USP12: variants seen among roughly 807,000 people sequenced by gnomAD.
The protein encoded by USP12 is ubiquitin carboxyl-terminal hydrolase 12.
In USP12, 19 loss-of-function variants were observed where a neutral mutation model predicts 45.5. The ratio of observed to expected loss-of-function variants is 0.42; its 90% CI spans 0.29 to 0.61. The LOEUF (loss-of-function observed/expected upper bound fraction) is 0.61, where lower values mean the gene tolerates loss of function less well. USP12 is among the 20% of genes least tolerant of loss of function. The probability of loss-of-function intolerance (pLI) is 0.22; values close to 1 mark genes in which losing one functional copy is unlikely to be tolerated. For synonymous variants in USP12, 149 were observed against 148.8 expected (o/e 1.00, Z -0.01); for missense variants, 242 against 447.7 (o/e 0.54, Z 4.15).
At chr13:27,170,193 T>G (rs1196950388) in intron 1 of USP12, 1 of 397,592 alleles carries the variant, frequency 2.5e-6, no homozygotes, top group Non-Finnish European at 4.4e-6. Flanking sequence ...GAGTCTTCAA[T>G]GATTCATCCT....
intron 1 of USP12, among the ~76,000 whole-genome samples, chr13:27,164,458 G>A (rs1878260324): frequency 6.6e-6 from 1 of 152,202 alleles, no homozygotes; most frequent in Non-Finnish European, 1.5e-5. Flanking sequence ...AGAAGCAGCA[G>A]CAAAGCATAA....
intron 1 of USP12, among the ~76,000 whole-genome samples, chr13:27,162,468 C>T (rs1242660074): frequency 2.0e-5 from 3 of 152,172 alleles, no homozygotes; most frequent in Non-Finnish European, 4.4e-5. Context: ...TGACTTTAAG[C>T]TTCCTTTTCC....
chr13:27,153,811 C>G (rs1395016861), intron 1 of USP12, among the ~76,000 whole-genome samples: 1 of 152,208 alleles, frequency 6.6e-6, no homozygotes, highest in African/African-American at 2.4e-5. Context: ...TCCTTATCAT[C>G]TCTTTTCTTA....
intron 2 of USP12, among the ~76,000 whole-genome samples, chr13:27,111,332 G>A (rs368897781): frequency 7.9e-5 from 12 of 152,230 alleles, no homozygotes; most frequent in African/African-American, 2.9e-4. Context: ...GAGCCTTCAT[G>A]CAAAAGGTTT....
At chr13:27,163,645 A>C (rs1878213515) in intron 1 of USP12, among the ~76,000 whole-genome samples, 1 of 151,992 alleles carries the variant, frequency 6.6e-6, no homozygotes, top group Non-Finnish European at 1.5e-5. Flanking sequence ...TGTAAAGCCC[A>C]CAAGAATACA....
intron 1 of USP12, among the ~76,000 whole-genome samples, chr13:27,149,943 T>C (rs1334597473): frequency 2.0e-5 from 3 of 152,246 alleles, no homozygotes; most frequent in East Asian, 1.9e-4. Context: ...GCAGTAATGC[T>C]GCTCGCTGGA....
chr13:27,086,433 A>G (rs1310626437), intron 6 of USP12, among the ~76,000 whole-genome samples: 1 of 151,646 alleles, frequency 6.6e-6, no homozygotes, highest in African/African-American at 2.4e-5. Context: ...ATGTGTGTAT[A>G]TACATACACA....
chr13:27,073,554 A>G (rs188863156), intron 7 of USP12, among the ~76,000 whole-genome samples: 4 of 152,318 alleles, frequency 2.6e-5, no homozygotes, highest in East Asian at 1.9e-4. Flanking sequence ...CCCCTCCCCA[A>G]TGAGTCAGGC....
intron 1 of USP12, among the ~76,000 whole-genome samples, chr13:27,121,019 G>GC (rs1875957985): frequency 6.6e-6 from 1 of 152,092 alleles, no homozygotes; most frequent in Non-Finnish European, 1.5e-5. Flanking sequence ...CAGCTGAATG[G>GC]AACGGTATGC....
At chr13:27,069,422 C>T in intron 8 of USP12, 38 bp from the exon 9 acceptor site, 1 of 1,435,472 alleles carries the variant, frequency 7.0e-7, no homozygotes, top group Non-Finnish European at 9.8e-7. Flanking sequence ...CATAAATGAG[C>T]TCTGTACAGC....
intron 2 of USP12, among the ~76,000 whole-genome samples, chr13:27,110,849 CATA>C (rs1875405159): frequency 6.6e-6 from 1 of 152,104 alleles, no homozygotes; most frequent in Admixed American, 6.6e-5. Flanking sequence ...ATACAATCTC[CATA>C]TTTTGGAATA....
At chr13:27,074,216 T>C (rs778394340) in intron 7 of USP12, among the ~76,000 whole-genome samples, 3 of 151,996 alleles carry the variant, frequency 2.0e-5, no homozygotes, top group Non-Finnish European at 4.4e-5. Context: ...CTGGCTAACA[T>C]GGTGAAACCC....
intron 2 of USP12, among the ~76,000 whole-genome samples, chr13:27,107,702 G>A (rs2137788579): frequency 6.6e-6 from 1 of 152,278 alleles, no homozygotes; most frequent in African/African-American, 2.4e-5. Context: ...AGATATGGCT[G>A]ATACAAGATC....
intron 6 of USP12, among the ~76,000 whole-genome samples, chr13:27,086,552 T>A (rs1444020288): frequency 6.6e-6 from 1 of 152,160 alleles, no homozygotes; most frequent in Non-Finnish European, 1.5e-5. Flanking sequence ...AGAATATACA[T>A]TCTTCATGTA....
At chr13:27,131,087 T>G (rs570128276) in intron 1 of USP12, among the ~76,000 whole-genome samples, 1 of 152,362 alleles carries the variant, frequency 6.6e-6, no homozygotes, top group East Asian at 1.9e-4. Flanking sequence ...AATTCATTTT[T>G]TAAAATAAGC....
intron 6 of USP12, among the ~76,000 whole-genome samples, chr13:27,081,500 G>C (rs911510019): frequency 6.6e-6 from 1 of 152,132 alleles, no homozygotes; most frequent in Non-Finnish European, 1.5e-5. Context: ...TTCCTCCACT[G>C]AAGTTCGAAT....
chr13:27,103,130 G>A (rs964596496), intron 3 of USP12, among the ~76,000 whole-genome samples: 9 of 152,260 alleles, frequency 5.9e-5, no homozygotes, highest in African/African-American at 1.7e-4. Flanking sequence ...AATATCTATT[G>A]AGAATAAAAT....
chr13:27,166,941 T>G (rs905411467), intron 1 of USP12, among the ~76,000 whole-genome samples: 66 of 152,162 alleles, frequency 4.3e-4, no homozygotes, highest in African/African-American at 1.5e-3. Flanking sequence ...ATTGGGCAAA[T>G]TTTAGGATGG....
chr13:27,171,131 G>T (rs1010127266), intron 1 of USP12, among the ~76,000 whole-genome samples: 1 of 149,534 alleles, frequency 6.7e-6, no homozygotes, highest in African/African-American at 2.5e-5. Context: ...CGCGCGACCA[G>T]AAGGAAATGG....
Sources: gnomAD v4.1 joint callset for allele counts (sites outside exome capture counted in the v4.1 genomes callset) on GRCh38, gnomAD v4.1.1 for gene constraint, MANE v1.5 for transcripts, NCBI Gene and HGNC (gene_info 2026-07-23, HGNC 2026-07-21) for gene names.